The following AGO1 variants were observed in gnomAD, a reference collection of about 807,000 sequenced individuals.
AGO1 encodes the protein argonaute RISC component 1.
AGO1 carries 11 observed loss-of-function variants against 109.2 expected under a neutral mutation model. The observed-to-expected ratio is 0.10, with a 90% CI of 0.06 to 0.17. The LOEUF is 0.17. AGO1 is among the 10% of genes least tolerant of loss of function. AGO1 has a pLI of 1.00. For missense variants in AGO1, 574 were observed against 1,140.3 expected, an observed-to-expected ratio of 0.50 and a Z score of 7.15; for synonymous variants, 422 against 418.6, an observed-to-expected ratio of 1.01 and a Z score of -0.10.
At chr1:35,894,472 C>T in intron 7 of AGO1, 70 bp downstream of exon 7, 7 of 1,417,702 alleles carry the variant, frequency 4.9e-6, no homozygotes, top group South Asian at 2.5e-5. Context: ...CTATCTTTCC[C>T]TCCCTCCCTC....
rs1188642094 is a variant in AGO1 at position 35,914,286 on chromosome 1, T to C, written c.1833+12T>C. 4 of 1,608,156 alleles carry C rather than the reference T, an allele frequency of 2.5e-6. No individual in the cohort carries two copies. The African/African-American group carries it at 4.0e-5, about 16-fold the overall frequency. On this transcript the variant is annotated intron_variant, in intron 14 of 18. Transcript: ENST00000373204. Reference sequence around the variant, plus strand: ...CTTCTATCACAGCAGTGAGTGATATTCTGTAGCTGCCTCATAAGGTTCTCC... The same window carrying C: ...CTTCTATCACAGCAGTGAGTGATATCCTGTAGCTGCCTCATAAGGTTCTCC...
chr1:35,892,645 A>G lies in AGO1; in HGVS notation c.298A>G (p.Thr100Ala). The G allele has an allele frequency of 6.2e-7, 1 of 1,614,222 alleles. No individual in the cohort carries two copies. The highest frequency in any genetic ancestry group is 8.5e-7 in the Non-Finnish European group (1 of 1,180,044). Residue 100 changes from threonine to alanine, a missense_variant, in exon 3 of 19, where the codon ACT becomes GCT. Thr to Ala is a moderately conservative substitution (Grantham distance 58, BLOSUM62 0). Around this residue, in one of 8 missense-constraint regions of AGO1, gnomAD observed 129 missense variants for 243.0 expected, o/e 0.53. Transcript: ENST00000373204. Reference sequence around the variant, plus strand: ...GTATGATGGAAAGAAGAACATTTACACTGTCACAGCACTGCCCATTGGCAA... The same window carrying G: ...GTATGATGGAAAGAAGAACATTTACGCTGTCACAGCACTGCCCATTGGCAA... ...PVYDGKKNIY[T>A]VTALPIGNER... is the part of the protein sequence containing the mutation.
rs943040718 is a variant in AGO1, at chr1:35,901,354, C to T, written c.1021-120C>T. ...AGGAGGAGAATACATGTATGCACAA[C>T]GGATTTTGCAGTTCCCTTCCCCATG... On this transcript the variant is annotated intron_variant, in intron 8 of 18. Transcript: ENST00000373204. The surrounding 1 kb of genome is among the most constrained non-coding windows in gnomAD (Gnocchi z 4.8). 13 of 1,259,246 alleles carry T rather than the reference C, an allele frequency of 1.0e-5. No individual in the cohort carries two copies. Among genetic ancestry groups the T allele is most frequent in the African/African-American group, 3.0e-5 (2 of 66,638 alleles). 78.0% of individuals were successfully genotyped at this position (1,259,246 alleles called of 1,614,324 possible).
intron 12 of AGO1, among the ~76,000 whole-genome samples, chr1:35,912,626 G>A (rs1397929809): frequency 6.6e-6 from 1 of 151,996 alleles, no homozygotes; most frequent in African/African-American, 2.4e-5. Context: ...AGGCTGTAGT[G>A]CAGTGGGTGT....
rs1383747021 is a variant in AGO1, at chr1:35,920,788, TA to T, written c.*1182del. 6.6e-6 allele frequency: 1 copy of T among 152,638 alleles called. No homozygotes were observed. The highest frequency in any genetic ancestry group is 6.5e-5 in the Admixed American group (1 of 15,286). The allele number at this position is 152,638 out of a possible 1,614,324, so 9.5% of individuals were successfully genotyped here. A position where few individuals can be genotyped will look rare whatever the true frequency, so the allele number is the denominator to read the frequency against. ...GATGGTCAAGTCTCTTATGTTTCAA[TA>T]TTTCTTAACTGGGGTGTCTTATAAC... On this transcript the variant is annotated 3_prime_UTR_variant, in exon 19 of 19. Coordinates refer to ENST00000373204, the MANE Select transcript of AGO1 (RefSeq NM_012199.5).
At chr1:35,910,660 A>AT (rs1645616605) in intron 12 of AGO1, among the ~76,000 whole-genome samples, 1 of 152,360 alleles carries the variant, frequency 6.6e-6, no homozygotes, top group South Asian at 2.1e-4. Flanking sequence ...TTCATGCAAC[A>AT]TAAAGTTGTG....
upstream of AGO1, among the ~76,000 whole-genome samples, chr1:35,880,763 G>A (rs947802124): frequency 7.9e-5 from 12 of 152,010 alleles, no homozygotes; most frequent in Non-Finnish European, 1.8e-4. Flanking sequence ...AGGTTCAAGC[G>A]ATTCTTGTGC....
At chr1:35,886,971 A>G (rs1645130545) in intron 1 of AGO1, among the ~76,000 whole-genome samples, 1 of 152,088 alleles carries the variant, frequency 6.6e-6, no homozygotes, top group Non-Finnish European at 1.5e-5. Context: ...GATGTGTGTG[A>G]TGGGGATGTG....
intron 2 of AGO1, among the ~76,000 whole-genome samples, chr1:35,891,627 T>C (rs537121256): frequency 6.6e-6 from 1 of 152,186 alleles, no homozygotes; most frequent in East Asian, 1.9e-4. Flanking sequence ...TGCAGTGGCA[T>C]GATCTCGGCT....
At position 35,896,596 on chromosome 1, in the gene AGO1, T is replaced by C. The variant is rs145030452; in HGVS notation, c.1020+1327T>C. Among the ~76,000 whole-genome samples, 13 of 152,256 alleles carry C rather than the reference T, an allele frequency of 8.5e-5. 1 individual carries two copies. In the East Asian group the frequency reaches 2.5e-3, roughly 29 times the overall value. On this transcript the variant is annotated intron_variant, in intron 8 of 18. Transcript: ENST00000373204. ...GCCACACTGATCTCCTGGCCTCAAG[T>C]GATCTGCCTGCCTCGGCCTCCCAAA...
At chr1:35,907,159 C>G in intron 12 of AGO1, 40 bp downstream of exon 12, 2 of 1,564,638 alleles carry the variant, frequency 1.3e-6, no homozygotes, top group Non-Finnish European at 1.7e-6. Context: ...TGATAGGACT[C>G]TTCTCAGCGT....
chr1:35,896,245 C>T (rs1645316473), intron 8 of AGO1, among the ~76,000 whole-genome samples: 1 of 152,172 alleles, frequency 6.6e-6, no homozygotes, highest in African/African-American at 2.4e-5. Context: ...GTGATCTGCC[C>T]ACCTTGGCCT....
upstream of AGO1, among the ~76,000 whole-genome samples, chr1:35,879,175 C>T (rs1336626633): frequency 1.3e-5 from 2 of 152,342 alleles, no homozygotes; most frequent in African/African-American, 4.8e-5. Context: ...AGGGGCTGAG[C>T]ACGGTGGCTT....
chr1:35,920,650 C>CCCTGG lies in AGO1; in HGVS notation c.*1047_*1051dup, dbSNP rs1645814975. On this transcript the variant is annotated 3_prime_UTR_variant, in exon 19 of 19. Coordinates refer to ENST00000373204, the MANE Select transcript of AGO1 (RefSeq NM_012199.5). The stretch of plus-strand genomic sequence containing the variant: ...TCTCGGAGCTGCTGAGATGACAGGC[C>CCCTGG]CCTGGCCTTTCCACTTATGCCTCCT... 1 of 152,546 alleles carries CCCTGG rather than the reference C, an allele frequency of 6.6e-6. No individual in the cohort carries two copies. Among genetic ancestry groups the CCCTGG allele is most frequent in the Non-Finnish European group, 1.5e-5 (1 of 68,054 alleles). 9.4% of individuals were successfully genotyped at this position (152,546 alleles called of 1,614,324 possible).
At chr1:35,884,075 C>T (rs1057469176) in intron 1 of AGO1, among the ~76,000 whole-genome samples, 1 of 151,962 alleles carries the variant, frequency 6.6e-6, no homozygotes, top group African/African-American at 2.4e-5. Flanking sequence ...GTCCGAATAC[C>T]CCCACCTCTC....
At chr1:35,882,711 C>T, upstream of AGO1, 2 of 653,350 alleles carry the variant, frequency 3.1e-6, no homozygotes, top group Non-Finnish European at 3.8e-6. The surrounding 1 kb of genome is among the most constrained non-coding windows in gnomAD (Gnocchi z 5.1). Context: ...GCGTCCAGCA[C>T]ATGGCGTGGA....
In AGO1 at chr1:35,930,009, A is replaced by T. The variant is rs908602603; in HGVS notation, c.*10402A>T. The stretch of plus-strand genomic sequence containing the variant: ...TCCTCTTTAAAAAATTATTTTGATT[A>T]AAAAAAACCGTATTACTGAAGCATA... On this transcript the variant is annotated 3_prime_UTR_variant, in exon 19 of 19. Coordinates refer to ENST00000373204, the MANE Select transcript of AGO1 (RefSeq NM_012199.5). The T allele has an allele frequency of 3.3e-5, 5 of 151,916 alleles. No homozygotes were observed. Among genetic ancestry groups the T allele is most frequent in the African/African-American group, 9.7e-5 (4 of 41,340 alleles). The allele number at this position is 151,916 out of a possible 1,614,324, so 9.4% of individuals were successfully genotyped here.
Position 35,929,993 on chromosome 1 carries a change from A to G in AGO1, c.*10386A>G, listed in dbSNP as rs553296373. 12 of 152,320 alleles carry G rather than the reference A, an allele frequency of 7.9e-5. No individual in the cohort carries two copies. The highest frequency in any genetic ancestry group is 2.6e-4 in the African/African-American group (11 of 41,582). 9.4% of individuals were successfully genotyped at this position (152,320 alleles called of 1,614,324 possible). A position where few individuals can be genotyped will look rare whatever the true frequency, so the allele number is the denominator to read the frequency against. On this transcript the variant is annotated 3_prime_UTR_variant, in exon 19 of 19. Transcript: ENST00000373204. The stretch of plus-strand genomic sequence containing the variant: ...ATATTCTTTCTCCTTTTCCTCTTTA[A>G]AAAATTATTTTGATTAAAAAAAACC...
intron 12 of AGO1, 144 bp downstream of exon 12, chr1:35,907,263 T>A: frequency 1.4e-6 from 1 of 709,120 alleles, no homozygotes; most frequent in Non-Finnish European, 2.1e-6. Context: ...ATAGGAGAAA[T>A]AGCATGCCTG....
Sources: gnomAD v4.1 joint callset for allele counts (sites outside exome capture counted in the v4.1 genomes callset) on GRCh38, gnomAD v4.1.1 for gene constraint, gnomAD v4.1.1 regional missense constraint, Gnocchi (gnomAD v3.1) non-coding constraint, MANE v1.5 for transcripts, NCBI Gene and HGNC (gene_info 2026-07-23, HGNC 2026-07-21) for gene names.